ATAD2: variants seen among roughly 807,000 people sequenced by gnomAD.
ATAD2 encodes ATPase family AAA domain-containing protein 2.
Under a neutral mutation model 168.9 loss-of-function variants are expected in ATAD2, and 62 were observed. The observed-to-expected ratio is 0.37, with a 90% confidence interval of 0.30 to 0.45. ATAD2 has a LOEUF of 0.45. Among genes scored for constraint, ATAD2 ranks in the 20% least tolerant of loss-of-function variants. The pLI, the probability that ATAD2 is intolerant of heterozygous loss-of-function variation, is 1.00. For synonymous variants in ATAD2, 613 were observed against 571.6 expected (o/e 1.07, Z -1.03); for missense variants, 1,419 against 1,667.8 (o/e 0.85, Z 2.60).
At chr8:123,349,487 A>G in intron 13 of ATAD2, 43 bp from the exon 14 acceptor site, 1 of 1,544,558 alleles carries the variant, frequency 6.5e-7, no homozygotes, top group Non-Finnish European at 8.9e-7. Context: ...TACTATGAAC[A>G]CAGTCTATAT....
chr8:123,414,609 G>C (rs1393808848), intron 1 of ATAD2, among the ~76,000 whole-genome samples: 1 of 152,158 alleles, frequency 6.6e-6, no homozygotes, highest in African/African-American at 2.4e-5. Context: ...GGGTGACAGA[G>C]GGAGACCCTG....
chr8:123,377,091 C>CAAAAAAAA (rs58655606), intron 2 of ATAD2, among the ~76,000 whole-genome samples: 1,962 of 27,176 alleles, frequency 0.072, 568 homozygotes, highest in African/African-American at 0.095. Context: ...GACTCCGTCT[C>CAAAAAAAA]AAAAAAAAAA....
upstream of ATAD2, chr8:123,401,253 C>T: frequency 1.0e-6 from 1 of 961,674 alleles, no homozygotes; most frequent in Admixed American, 1.7e-5. Context: ...CCCTCACCGA[C>T]CTGAAGAACC....
At chr8:123,341,763 C>G (rs1010100352) in intron 19 of ATAD2, among the ~76,000 whole-genome samples, 1 of 152,136 alleles carries the variant, frequency 6.6e-6, no homozygotes, top group Non-Finnish European at 1.5e-5. Flanking sequence ...ACACCACTTC[C>G]AAGTCAGGCA....
chr8:123,333,413 A>C (rs1827833093), intron 24 of ATAD2, among the ~76,000 whole-genome samples: 1 of 6,164 alleles, frequency 1.6e-4, no homozygotes, highest in Non-Finnish European at 8.0e-4. Context: ...CCGTCTCAAA[A>C]AAAAAAAAAA....
chr8:123,402,233 G>A lies in ATAD2; in HGVS notation c.-2281-1058C>T. On this transcript the variant is annotated intron_variant, in intron 1 of 28. Coordinates refer to the ATAD2 transcript ENST00000521903. The surrounding 1 kb of genome is among the most constrained non-coding windows in gnomAD (Gnocchi z 4.8). The stretch of plus-strand genomic sequence containing the variant: ...GGGTTCCCCAGCTCCTTTCCAGGGA[G>A]AGAGGAGGCGAAGTTGTGAGGGGTC... 1 of 594,516 alleles carries A rather than the reference G, an allele frequency of 1.7e-6. No individual in the cohort carries two copies. 36.8% of individuals were successfully genotyped at this position (594,516 alleles called of 1,614,324 possible). A position where few individuals can be genotyped will look rare whatever the true frequency, so the allele number is the denominator to read the frequency against.
chr8:123,370,123 A>C, intron 6 of ATAD2, 99 bp from the exon 7 acceptor site: 2 of 1,089,906 alleles, frequency 1.8e-6, no homozygotes, highest in Non-Finnish European at 2.6e-6. Flanking sequence ...CCCTTTTAAA[A>C]CTTATCTACT....
intron 1 of ATAD2, among the ~76,000 whole-genome samples, chr8:123,389,960 T>TTTTATATATA (rs1392406832): frequency 4.3e-5 from 4 of 94,060 alleles, no homozygotes; most frequent in Admixed American, 1.4e-4. Context: ...TACTATTATT[T>TTTTATATATA]TATATATATA....
intron 24 of ATAD2, among the ~76,000 whole-genome samples, chr8:123,332,982 A>G (rs560154820): frequency 6.6e-6 from 1 of 152,030 alleles, no homozygotes; most frequent in South Asian, 2.1e-4. Context: ...CTTATTCTTT[A>G]TCTATCTCAA....
intron 1 of ATAD2, among the ~76,000 whole-genome samples, chr8:123,406,930 T>TA (rs1813076047): frequency 7.2e-5 from 11 of 152,124 alleles, no homozygotes; most frequent in Admixed American, 7.2e-4. Context: ...TGATCTGATT[T>TA]GGAAATAGGA....
intron 26 of ATAD2, among the ~76,000 whole-genome samples, 182 bp downstream of exon 26, chr8:123,325,711 G>T (rs1827595547): frequency 6.6e-6 from 1 of 152,178 alleles, no homozygotes; most frequent in Admixed American, 6.5e-5. Context: ...GTGAGCCACT[G>T]TGCCTGACCT....
intron 20 of ATAD2, among the ~76,000 whole-genome samples, chr8:123,338,773 C>A (rs1368081309): frequency 6.6e-6 from 1 of 152,156 alleles, no homozygotes; most frequent in African/African-American, 2.4e-5. Flanking sequence ...TTGGCATGAG[C>A]CTCTTGTCCT....
chr8:123,328,985 T>C (rs779379153), intron 24 of ATAD2, among the ~76,000 whole-genome samples: 17 of 151,926 alleles, frequency 1.1e-4, no homozygotes, highest in Non-Finnish European at 2.1e-4. Flanking sequence ...GCATTTTTAG[T>C]AGAGACGGGG....
intron 27 of ATAD2, among the ~76,000 whole-genome samples, chr8:123,322,723 A>G (rs1039766712): frequency 6.6e-6 from 1 of 152,216 alleles, no homozygotes. Context: ...TTGGAAAAAT[A>G]CTAAACTCAC....
intron 2 of ATAD2, among the ~76,000 whole-genome samples, chr8:123,378,617 G>A (rs1386750986): frequency 1.5e-5 from 2 of 134,428 alleles, no homozygotes; most frequent in African/African-American, 2.7e-5. Context: ...CAGGAGGATC[G>A]CTTGAACCTG....
At chr8:123,349,840 C>T (rs995289826) in intron 13 of ATAD2, among the ~76,000 whole-genome samples, 2 of 150,944 alleles carry the variant, frequency 1.3e-5, no homozygotes, top group South Asian at 4.2e-4. Flanking sequence ...AGTTTGAGAC[C>T]AGCCTGGGCA....
intron 15 of ATAD2, chr8:123,347,931 G>A: frequency 2.0e-6 from 1 of 509,694 alleles, no homozygotes; most frequent in Non-Finnish European, 3.5e-6. Flanking sequence ...TATCTACTCT[G>A]CCCCTGATGG....
intron 19 of ATAD2, among the ~76,000 whole-genome samples, chr8:123,341,806 C>A (rs192044191): frequency 3.9e-5 from 6 of 152,172 alleles, no homozygotes; most frequent in South Asian, 4.1e-4. Flanking sequence ...GTTGACTGTA[C>A]TGAAAGCGAC....
chr8:123,346,753 A>T lies in ATAD2; in HGVS notation c.2213-3T>A. On this transcript the variant is annotated splice_region_variant and splice_polypyrimidine_tract_variant and intron_variant, in intron 16 of 27. Transcript: ENST00000287394. Reference sequence around the variant, plus strand: ...TTCTAGCAGAGGACAAGAAATATCTATAAAACCAAAAAATTGTACATTAGT... The same window carrying T: ...TTCTAGCAGAGGACAAGAAATATCTTTAAAACCAAAAAATTGTACATTAGT... 1 of 1,576,442 alleles carries T rather than the reference A, an allele frequency of 6.3e-7. No individual in the cohort carries two copies. Among genetic ancestry groups the T allele is most frequent in the Non-Finnish European group, 8.6e-7 (1 of 1,168,038 alleles).
Sources: allele counts gnomAD v4.1 joint callset (sites outside exome capture counted in the v4.1 genomes callset), GRCh38; gene constraint gnomAD v4.1.1; non-coding constraint Gnocchi (gnomAD v3.1); transcripts MANE v1.5; gene names NCBI Gene and HGNC (gene_info 2026-07-23, HGNC 2026-07-21).